Variants in PREX2 observed in about 807,000 individuals in gnomAD.
PREX2 encodes phosphatidylinositol 3,4,5-trisphosphate-dependent Rac exchanger 2 protein.
Under a neutral mutation model 203.2 loss-of-function variants are expected in PREX2, and 107 were observed. The ratio of observed to expected loss-of-function variants is 0.53; its 90% confidence interval spans 0.45 to 0.62. The LOEUF is 0.62. PREX2 is among the 20% of genes least tolerant of loss of function. The pLI, the probability that PREX2 is intolerant of heterozygous loss-of-function variation, is 0.00. For synonymous variants in PREX2, 672 were observed against 663.6 expected, an observed-to-expected ratio of 1.01 and a Z score of -0.19; for missense variants, 1,777 against 1,955.9, an observed-to-expected ratio of 0.91 and a Z score of 1.72.
At chr8:68,186,291 A>T (rs1476967698) in intron 35 of PREX2, among the ~76,000 whole-genome samples, 1 of 152,214 alleles carries the variant, frequency 6.6e-6, no homozygotes, top group Non-Finnish European at 1.5e-5. Flanking sequence ...GACTTCATCC[A>T]TGCATAGATA....
intron 33 of PREX2, 112 bp from the exon 34 acceptor site, chr8:68,146,097 G>A (rs1161319582): frequency 1.6e-5 from 11 of 684,604 alleles, no homozygotes; most frequent in African/African-American, 1.4e-4. Context: ...ACATGATCAC[G>A]TTTAATATAT....
intron 1 of PREX2, among the ~76,000 whole-genome samples, chr8:67,960,194 A>C (rs554773960): frequency 6.6e-6 from 1 of 152,102 alleles, no homozygotes; most frequent in African/African-American, 2.4e-5. Flanking sequence ...GGCACATGCC[A>C]CAATGCCCAG....
At chr8:68,171,904 A>C (rs1332270211) in intron 35 of PREX2, among the ~76,000 whole-genome samples, 1 of 152,216 alleles carries the variant, frequency 6.6e-6, no homozygotes, top group Non-Finnish European at 1.5e-5. Context: ...ATAGAGCTAC[A>C]GCTATTAGAG....
intron 37 of PREX2, among the ~76,000 whole-genome samples, chr8:68,204,556 C>T (rs1042716598): frequency 4.6e-5 from 7 of 151,878 alleles, no homozygotes; most frequent in African/African-American, 7.3e-5. Context: ...TCTCTGTCTG[C>T]GGCCAGGATC....
intron 11 of PREX2, among the ~76,000 whole-genome samples, chr8:68,068,091 T>C (rs1202847951): frequency 1.3e-5 from 2 of 152,084 alleles, no homozygotes. Context: ...GATCATTTTA[T>C]TGTGATATTG....
chr8:68,174,345 C>T (rs901085816), intron 35 of PREX2, among the ~76,000 whole-genome samples: 1 of 152,112 alleles, frequency 6.6e-6, no homozygotes, highest in African/African-American at 2.4e-5. Flanking sequence ...ATAAAATTAG[C>T]TGCCTGGTTA....
At chr8:67,981,464 A>G (rs1410275758) in intron 1 of PREX2, among the ~76,000 whole-genome samples, 1 of 152,222 alleles carries the variant, frequency 6.6e-6, no homozygotes, top group East Asian at 1.9e-4. Flanking sequence ...GTTGAGAGCA[A>G]GAGGGGAGAC....
rs186153947 is a variant in PREX2 at position 68,140,570 on chromosome 8, T to C, written c.4087+2053T>C. ...CTGTATCACTGGGATGGAGACTAGT[T>C]GGCTGCATGCCTTTGAGGGAGGACT... On this transcript the variant is annotated intron_variant, in intron 33 of 39. Transcript: ENST00000288368. 4.6e-5 allele frequency among the ~76,000 whole-genome samples: 7 copies of C among 152,320 alleles called. No homozygotes were observed. The East Asian group carries it at 1.4e-3, about 29-fold the overall frequency.
chr8:68,231,910 T>C lies in PREX2; in HGVS notation c.*532T>C, dbSNP rs997410945. On this transcript the variant is annotated 3_prime_UTR_variant, in exon 40 of 40. Transcript: ENST00000288368. ...CCCCCATTTGCAAGAGAGAAAGTCATTAATGTGTAAAAGGTGGAAAAGCAT... is the reference window on the plus strand; with the variant it reads ...CCCCCATTTGCAAGAGAGAAAGTCACTAATGTGTAAAAGGTGGAAAAGCAT... 2 of 152,636 alleles carry C rather than the reference T, an allele frequency of 1.3e-5. No individual in the cohort carries two copies. Among genetic ancestry groups the C allele is most frequent in the Non-Finnish European group, 2.9e-5 (2 of 68,328 alleles). The allele number at this position is 152,636 out of a possible 1,614,324, so 9.5% of individuals were successfully genotyped here.
At chr8:68,180,458 C>T (rs1239568879) in intron 35 of PREX2, among the ~76,000 whole-genome samples, 2 of 152,040 alleles carry the variant, frequency 1.3e-5, no homozygotes, top group Non-Finnish European at 2.9e-5. Flanking sequence ...TAAGTGAATA[C>T]ACAAATCTGG....
chr8:68,155,571 C>T (rs908814305), intron 34 of PREX2, among the ~76,000 whole-genome samples: 28 of 152,092 alleles, frequency 1.8e-4, no homozygotes, highest in Non-Finnish European at 8.8e-5. Context: ...AAAGAAATCT[C>T]GTGATTTAGT....
chr8:68,018,515 A>G (rs1381039689), intron 2 of PREX2, among the ~76,000 whole-genome samples: 1 of 152,066 alleles, frequency 6.6e-6, no homozygotes, highest in Non-Finnish European at 1.5e-5. Flanking sequence ...TAAGAACCTC[A>G]ATGTTTTGGA....
chr8:68,160,502 C>T (rs538396713), intron 35 of PREX2, among the ~76,000 whole-genome samples: 1 of 151,982 alleles, frequency 6.6e-6, no homozygotes, highest in Non-Finnish European at 1.5e-5. Flanking sequence ...TATAAATATA[C>T]CCAAAGAATG....
In PREX2 at chr8:68,022,125, C is replaced by A; in HGVS notation, c.426C>A (p.Ile142=). The change falls in exon 4 of 40, where the codon ATC becomes ATA. Residue 142 remains isoleucine (I), a synonymous_variant. Coordinates refer to ENST00000288368, the MANE Select transcript of PREX2 (RefSeq NM_024870.4). ...TTGAACTCAACAAAATAAGAACAAT[C>A]CGGACATTTCTTTTGGTAAGTGTAT... ...LLLELNKIRT[I]RTFLLNCMLL... The A allele has an allele frequency of 2.0e-6, 3 of 1,523,600 alleles. No homozygotes were observed. Among genetic ancestry groups the A allele is most frequent in the Non-Finnish European group, 2.7e-6 (3 of 1,098,118 alleles). 94.4% of individuals were successfully genotyped at this position (1,523,600 alleles called of 1,614,324 possible). A position where few individuals can be genotyped will look rare whatever the true frequency, so the allele number is the denominator to read the frequency against.
At chr8:68,012,069 C>T (rs1807280038) in intron 1 of PREX2, among the ~76,000 whole-genome samples, 1 of 152,132 alleles carries the variant, frequency 6.6e-6, no homozygotes, top group Non-Finnish European at 1.5e-5. Flanking sequence ...TTTCCTGTCA[C>T]CCAAGTATTA....
intron 23 of PREX2, among the ~76,000 whole-genome samples, chr8:68,107,136 A>G (rs1810432962): frequency 6.6e-6 from 1 of 152,172 alleles, no homozygotes; most frequent in African/African-American, 2.4e-5. Context: ...AGCAGTAGTC[A>G]GGGAAATTGA....
intron 1 of PREX2, among the ~76,000 whole-genome samples, chr8:67,980,233 T>A (rs1177140325): frequency 6.6e-6 from 1 of 151,418 alleles, no homozygotes; most frequent in Non-Finnish European, 1.5e-5. Flanking sequence ...AGGGGAAGAG[T>A]GGGGATGAAG....
chr8:68,152,628 AAG>A (rs750889235), intron 34 of PREX2, among the ~76,000 whole-genome samples: 5 of 152,074 alleles, frequency 3.3e-5, no homozygotes, highest in African/African-American at 4.8e-5. Flanking sequence ...GCAGACATAA[AAG>A]AGAGGGGGAA....
At chr8:68,214,335 A>G (rs1010174435) in intron 37 of PREX2, among the ~76,000 whole-genome samples, 4 of 152,110 alleles carry the variant, frequency 2.6e-5, no homozygotes, top group Admixed American at 2.6e-4. Context: ...AGGAAGTCGA[A>G]GCTGCAGCGA....
Sources: allele counts gnomAD v4.1 joint callset (sites outside exome capture counted in the v4.1 genomes callset), GRCh38; gene constraint gnomAD v4.1.1; transcripts MANE v1.5; gene names NCBI Gene and HGNC (gene_info 2026-07-23, HGNC 2026-07-21).